The following TSHZ3 variants were observed in gnomAD, a reference collection of about 807,000 sequenced individuals.
TSHZ3 encodes the protein teashirt zinc finger homeobox 3.
In TSHZ3, 10 loss-of-function variants were observed where a neutral mutation model predicts 64.5. The observed-to-expected ratio is 0.16, with a 90% confidence interval of 0.10 to 0.26. The LOEUF (loss-of-function observed/expected upper bound fraction) is 0.26. Among genes scored for constraint, TSHZ3 ranks in the 10% least tolerant of loss-of-function variants. The pLI is 1.00. For missense variants in TSHZ3, 1,242 were observed against 1,421.7 expected (o/e 0.87, Z 2.03); for synonymous variants, 608 against 593.1 (o/e 1.03, Z -0.36).
At chr19:31,170,186 G>A (rs1025450790) in intron 5 of TSHZ3, among the ~76,000 whole-genome samples, 1 of 152,148 alleles carries the variant, frequency 6.6e-6, no homozygotes, top group Non-Finnish European at 1.5e-5. Context: ...TCAGGAGGCT[G>A]CAAGTTGGAG....
rs771065494 is a variant in TSHZ3 at position 31,277,870 on chromosome 19, G to A, written c.1923C>T (p.Ala641=). 1.8e-5 allele frequency: 29 copies of A among 1,606,950 alleles called. 1 individual carries two copies. The South Asian group carries it at 2.7e-4, about 15-fold the overall frequency. The change falls in exon 2 of 2, where the codon GCC becomes GCT. Residue 641 remains alanine (A), a synonymous_variant. Coordinates refer to ENST00000240587, the MANE Select transcript of TSHZ3 (RefSeq NM_020856.4). This position sits in a 1 kb window ranked among gnomAD's most constrained non-coding sequence, Gnocchi z 4.5. ...PDGKLSPPKR[A]TPSPCSSEVG... is the part of the protein sequence containing the mutation. The stretch of plus-strand genomic sequence containing the variant: ...CTTCGCTGCTACATGGGGAGGGAGT[G>A]GCCCGCTTGGGCGGGGAAAGCTTCC...
intron 1 of TSHZ3, among the ~76,000 whole-genome samples, chr19:31,301,448 C>T (rs970260604): frequency 6.6e-6 from 1 of 152,186 alleles, no homozygotes; most frequent in African/African-American, 2.4e-5. Context: ...TGGGGCTGTG[C>T]ACTCAAACAC....
At chr19:31,295,793 T>C (rs2145135302) in intron 1 of TSHZ3, among the ~76,000 whole-genome samples, 1 of 151,646 alleles carries the variant, frequency 6.6e-6, no homozygotes, top group South Asian at 2.1e-4. Context: ...ATTTCAACTT[T>C]GGGGTTCAGG....
At chr19:31,303,559 A>C (rs1248415485) in intron 1 of TSHZ3, among the ~76,000 whole-genome samples, 3 of 152,182 alleles carry the variant, frequency 2.0e-5, no homozygotes, top group African/African-American at 7.2e-5. Flanking sequence ...GAATCACTCA[A>C]GCATGAGGCA....
chr19:31,311,550 G>A (rs1423100093), intron 1 of TSHZ3, among the ~76,000 whole-genome samples: 2 of 152,132 alleles, frequency 1.3e-5, no homozygotes, highest in Non-Finnish European at 2.9e-5. Context: ...AGATGAAGCA[G>A]AGGACAGAAG....
intron 1 of TSHZ3, among the ~76,000 whole-genome samples, chr19:31,280,781 G>A (rs971662789): frequency 1.3e-5 from 2 of 152,250 alleles, no homozygotes; most frequent in Admixed American, 1.3e-4. Flanking sequence ...CCACGCGCCT[G>A]CAGGTTCTGG....
intron 1 of TSHZ3, among the ~76,000 whole-genome samples, chr19:31,245,596 C>T (rs191466267): frequency 6.6e-6 from 1 of 152,322 alleles, no homozygotes; most frequent in Admixed American, 6.5e-5. Flanking sequence ...GACAACTGCA[C>T]TATCAGATGG....
intron 1 of TSHZ3, among the ~76,000 whole-genome samples, chr19:31,260,354 A>T (rs1975969175): frequency 1.3e-5 from 2 of 152,170 alleles, no homozygotes; most frequent in Admixed American, 6.5e-5. Context: ...CAGTCCGGTG[A>T]TACTACATAA....
chr19:31,300,123 G>C (rs1466346294), intron 1 of TSHZ3, among the ~76,000 whole-genome samples: 1 of 152,172 alleles, frequency 6.6e-6, no homozygotes, highest in Non-Finnish European at 1.5e-5. Flanking sequence ...AAGCCTAAGA[G>C]GGATCCCACA....
chr19:31,167,169 T>A (rs548592080), intron 5 of TSHZ3, among the ~76,000 whole-genome samples: 1 of 152,314 alleles, frequency 6.6e-6, no homozygotes, highest in African/African-American at 2.4e-5. Flanking sequence ...ATGAGAAAAG[T>A]AAACCACAAA....
chr19:31,338,062 A>G (rs1035794106), intron 1 of TSHZ3, among the ~76,000 whole-genome samples: 1 of 152,248 alleles, frequency 6.6e-6, no homozygotes, highest in Admixed American at 6.5e-5. Flanking sequence ...AATTTGCACT[A>G]TCGGGGCTCT....
intron 1 of TSHZ3, among the ~76,000 whole-genome samples, chr19:31,336,910 T>C (rs1437609265): frequency 6.6e-6 from 1 of 152,230 alleles, no homozygotes; most frequent in Non-Finnish European, 1.5e-5. Flanking sequence ...AATTAAAAAC[T>C]ATGCACTGCA....
intron 1 of TSHZ3, among the ~76,000 whole-genome samples, chr19:31,290,719 C>T (rs929716592): frequency 6.6e-6 from 1 of 152,064 alleles, no homozygotes; most frequent in African/African-American, 2.4e-5. Context: ...CCAGGCATCG[C>T]TGCTGGGCTT....
At chr19:31,321,229 A>T (rs1157391289) in intron 1 of TSHZ3, among the ~76,000 whole-genome samples, 1 of 152,158 alleles carries the variant, frequency 6.6e-6, no homozygotes, top group Non-Finnish European at 1.5e-5. Context: ...TGAATCAATC[A>T]TTCCAAGGTG....
chr19:31,332,990 A>G (rs1009965127), intron 1 of TSHZ3, among the ~76,000 whole-genome samples: 1 of 151,976 alleles, frequency 6.6e-6, no homozygotes, highest in African/African-American at 2.4e-5. Context: ...CTGTGGTCCC[A>G]GCTACTCAGG....
At position 31,279,749 on chromosome 19, in the gene TSHZ3, T is replaced by C; in HGVS notation, c.44A>G (p.Tyr15Cys). 6.7e-7 allele frequency: 1 copy of C among 1,483,744 alleles called. No homozygotes were observed. Among genetic ancestry groups the C allele is most frequent in the Non-Finnish European group, 9.0e-7 (1 of 1,116,640 alleles). 91.9% of individuals were successfully genotyped at this position (1,483,744 alleles called of 1,614,324 possible). A position where few individuals can be genotyped will look rare whatever the true frequency, so the allele number is the denominator to read the frequency against. The change falls in exon 2 of 2, where the codon TAT becomes TGT. Residue 15 changes from tyrosine to cysteine, a missense_variant. This residue lies in a region of TSHZ3 where 555 missense variants were observed against 704.0 expected (regional missense o/e 0.79). Transcript: ENST00000240587. This position sits in a 1 kb window ranked among gnomAD's most constrained non-coding sequence, Gnocchi z 6.4. ...KQQAPRRAAA[Y>C]VSEELKAAAL... ...AGCAGCCTTTAACTCTTCGGAAACA[T>C]AGGCTGCCATGATAACAGGTGGGAA...
chr19:31,297,160 CA>C (rs747029819), intron 1 of TSHZ3, among the ~76,000 whole-genome samples: 1 of 152,158 alleles, frequency 6.6e-6, no homozygotes, highest in Non-Finnish European at 1.5e-5. Context: ...CTTTCAGGTT[CA>C]GGCTTGTTGT....
chr19:31,338,802 TCCTC>T (rs1280870444), intron 1 of TSHZ3, among the ~76,000 whole-genome samples: 1 of 151,998 alleles, frequency 6.6e-6, no homozygotes, highest in East Asian at 1.9e-4. Context: ...ATTAAAGCCT[TCCTC>T]CCTCCATCTT....
chr19:31,329,322 C>T (rs1245374040), intron 1 of TSHZ3, among the ~76,000 whole-genome samples: 7 of 152,192 alleles, frequency 4.6e-5, no homozygotes, highest in Non-Finnish European at 2.9e-5. Flanking sequence ...GAAGGTGTCA[C>T]GCTGCCTTGT....
Sources: gnomAD v4.1 joint callset for allele counts (sites outside exome capture counted in the v4.1 genomes callset) on GRCh38, gnomAD v4.1.1 for gene constraint, gnomAD v4.1.1 regional missense constraint, Gnocchi (gnomAD v3.1) non-coding constraint, MANE v1.5 for transcripts, NCBI Gene and HGNC (gene_info 2026-07-23, HGNC 2026-07-21) for gene names.